NXPE2: variants seen among roughly 807,000 people sequenced by gnomAD.
NXPE2 encodes neurexophilin and PC-esterase domain family member 2, also known as NXPE family member 2.
NXPE2 carries 34 observed loss-of-function variants against 34.4 expected under a neutral mutation model. That is an observed-to-expected ratio of 0.99 (90% CI 0.75 to 1.31). NXPE2 has a LOEUF of 1.31. NXPE2 is among the 40% of genes most tolerant of loss of function. The pLI, the probability that NXPE2 is intolerant of heterozygous loss-of-function variation, is 0.00. For synonymous variants in NXPE2, 235 were observed against 231.3 expected (o/e 1.02, Z -0.15); for missense variants, 649 against 672.5 (o/e 0.97, Z 0.39).
downstream of NXPE2, among the ~76,000 whole-genome samples, chr11:114,710,230 G>A (rs527819458): frequency 6.6e-6 from 1 of 152,108 alleles, no homozygotes; most frequent in Non-Finnish European, 1.5e-5. Context: ...GTCAGCAGAA[G>A]GAAGGGAATA....
chr11:114,499,954 CT>C, the NXPE2 span, among the ~76,000 whole-genome samples: 327 of 143,144 alleles, frequency 2.3e-3, 1 homozygote, highest in Admixed American at 2.5e-3. Context: ...GCAGTTCATT[CT>C]TTTTTTTTTT....
chr11:114,551,518 T>G, the NXPE2 span: 1 of 614,660 alleles, frequency 1.6e-6, no homozygotes, highest in South Asian at 7.0e-5. Flanking sequence ...ACATAACAAT[T>G]ACAATGAGAA....
the NXPE2 span, among the ~76,000 whole-genome samples, chr11:114,719,584 G>A: frequency 6.6e-6 from 1 of 152,334 alleles, no homozygotes; most frequent in South Asian, 2.1e-4. Flanking sequence ...ATGCATATGG[G>A]CAGAGAAGGA....
At chr11:114,792,037 G>A in the NXPE2 span, among the ~76,000 whole-genome samples, 16 of 152,148 alleles carry the variant, frequency 1.1e-4, no homozygotes, top group Admixed American at 2.6e-4. Flanking sequence ...CAGGCTGGGC[G>A]ACTGAGTGAG....
chr11:114,785,689 C>T, the NXPE2 span, among the ~76,000 whole-genome samples: 1 of 152,184 alleles, frequency 6.6e-6, no homozygotes, highest in Non-Finnish European at 1.5e-5. Flanking sequence ...TTACCTCCTT[C>T]CCAGTTTAGA....
the NXPE2 span, among the ~76,000 whole-genome samples, chr11:114,501,618 G>T: frequency 6.6e-6 from 1 of 152,114 alleles, no homozygotes; most frequent in Non-Finnish European, 1.5e-5. Flanking sequence ...ATTCATGGAG[G>T]AATCTTTGGG....
At chr11:114,628,445 A>C in the NXPE2 span, among the ~76,000 whole-genome samples, 9 of 152,228 alleles carry the variant, frequency 5.9e-5, no homozygotes, top group Non-Finnish European at 1.2e-4. Flanking sequence ...AAATGAAAGC[A>C]GAAATAAAGA....
the NXPE2 span, among the ~76,000 whole-genome samples, chr11:114,505,570 T>C: frequency 2.0e-5 from 3 of 152,224 alleles, no homozygotes; most frequent in Non-Finnish European, 2.9e-5. Flanking sequence ...AGGGTCAATA[T>C]TCAAAATTTC....
the NXPE2 span, among the ~76,000 whole-genome samples, chr11:114,604,229 C>T: frequency 3.3e-4 from 49 of 150,342 alleles, no homozygotes; most frequent in African/African-American, 8.8e-4. Flanking sequence ...CACTGTTACC[C>T]GGTTTATAAT....
At chr11:114,633,307 A>G in the NXPE2 span, among the ~76,000 whole-genome samples, 1 of 139,814 alleles carries the variant, frequency 7.2e-6, no homozygotes, top group African/African-American at 2.6e-5. Flanking sequence ...ATGTAATAAA[A>G]TATATAATTA....
At chr11:114,469,660 G>T in the NXPE2 span, among the ~76,000 whole-genome samples, 91,972 of 150,790 alleles carry the variant, frequency 0.61, 29,443 homozygotes, top group African/African-American at 0.82. Context: ...CCCAGCTAAT[G>T]TTTTGTATTT....
At chr11:114,699,038 G>A (rs138660443) in intron 3 of NXPE2, among the ~76,000 whole-genome samples, 9 of 152,140 alleles carry the variant, frequency 5.9e-5, no homozygotes, top group African/African-American at 1.7e-4. Context: ...ATACTTCCAG[G>A]TTCAGTAATT....
intron 1 of NXPE2, among the ~76,000 whole-genome samples, chr11:114,679,455 C>T (rs1950910692): frequency 6.6e-6 from 1 of 151,938 alleles, no homozygotes; most frequent in Non-Finnish European, 1.5e-5. Context: ...TATCAGAAAC[C>T]AGGAGTCCTT....
the NXPE2 span, among the ~76,000 whole-genome samples, chr11:114,626,957 G>A: frequency 9.2e-5 from 14 of 151,894 alleles, no homozygotes; most frequent in African/African-American, 3.1e-4. Context: ...AGTGAGAAGG[G>A]AAGTTTAGAG....
At chr11:114,626,850 G>A in the NXPE2 span, among the ~76,000 whole-genome samples, 2 of 152,050 alleles carry the variant, frequency 1.3e-5, no homozygotes, top group Admixed American at 1.3e-4. Context: ...GAAAACCAAG[G>A]CTCGAGAACT....
chr11:114,737,848 C>A, the NXPE2 span, among the ~76,000 whole-genome samples: 1 of 152,042 alleles, frequency 6.6e-6, no homozygotes, highest in Non-Finnish European at 1.5e-5. Context: ...TTTGGGAGGC[C>A]AAGGCGGGCA....
At chr11:114,473,308 G>T in the NXPE2 span, among the ~76,000 whole-genome samples, 1 of 152,150 alleles carries the variant, frequency 6.6e-6, no homozygotes, top group African/African-American at 2.4e-5. Context: ...ACATGAAAGA[G>T]TGTTTTTGCC....
chr11:114,676,907 T>A (rs974410648), upstream of NXPE2, among the ~76,000 whole-genome samples: 1 of 151,978 alleles, frequency 6.6e-6, no homozygotes, highest in Non-Finnish European at 1.5e-5. Context: ...TATATACACA[T>A]AAACAGTTGG....
At chr11:114,556,093 GA>G in the NXPE2 span, among the ~76,000 whole-genome samples, 1 of 152,180 alleles carries the variant, frequency 6.6e-6, no homozygotes, top group Non-Finnish European at 1.5e-5. Flanking sequence ...AAGCCTACTG[GA>G]ATTTATTGCT....
Sources: gnomAD v4.1 joint callset for allele counts (sites outside exome capture counted in the v4.1 genomes callset) on GRCh38, gnomAD v4.1.1 for gene constraint, MANE v1.5 for transcripts, NCBI Gene and HGNC (gene_info 2026-07-23, HGNC 2026-07-21) for gene names.